Variants in SLC44A1 observed in about 807,000 individuals in gnomAD.
SLC44A1 encodes the protein solute carrier family 44 member 1.
Under a neutral mutation model 79.3 loss-of-function variants are expected in SLC44A1, and 26 were observed. That is an observed-to-expected ratio of 0.33 (90% CI 0.24 to 0.46). SLC44A1 has a LOEUF of 0.46. SLC44A1 is among the 20% of genes least tolerant of loss of function. The probability of loss-of-function intolerance (pLI) is 1.00; values close to 1 mark genes in which losing one functional copy is unlikely to be tolerated. For synonymous variants in SLC44A1, 263 were observed against 286.2 expected, an observed-to-expected ratio of 0.92 and a Z score of 0.82; for missense variants, 688 against 798.1, an observed-to-expected ratio of 0.86 and a Z score of 1.66.
chr9:105,258,439 A>G (rs73510234), intron 1 of SLC44A1, among the ~76,000 whole-genome samples: 29 of 152,342 alleles, frequency 1.9e-4, no homozygotes, highest in African/African-American at 6.5e-4. Flanking sequence ...TTATTCTCAT[A>G]ACTCTGAGGT....
intron 5 of SLC44A1, among the ~76,000 whole-genome samples, chr9:105,351,672 A>C: frequency 6.6e-6 from 1 of 151,402 alleles, no homozygotes; most frequent in Non-Finnish European, 1.5e-5. Flanking sequence ...GAAAGAAAGA[A>C]AGAACCAAGA....
chr9:105,321,700 G>A (rs1368285496), intron 3 of SLC44A1, among the ~76,000 whole-genome samples: 2 of 151,816 alleles, frequency 1.3e-5, no homozygotes, highest in East Asian at 1.9e-4. Context: ...AAAGTCAGTC[G>A]TTTGTCTTAT....
intron 15 of SLC44A1, among the ~76,000 whole-genome samples, chr9:105,436,724 C>T (rs540003434): frequency 3.2e-4 from 49 of 152,278 alleles, no homozygotes; most frequent in Non-Finnish European, 1.5e-4. Flanking sequence ...CTATCAGCAG[C>T]CTGCCAAATG....
At chr9:105,417,857 A>C (rs1564057535) in intron 15 of SLC44A1, among the ~76,000 whole-genome samples, 1 of 150,868 alleles carries the variant, frequency 6.6e-6, no homozygotes, top group Non-Finnish European at 1.5e-5. Context: ...AAAAAAAAAA[A>C]AACAATTTAA....
intron 11 of SLC44A1, 128 bp downstream of exon 11, chr9:105,365,767 C>T (rs7860321): frequency 0.039 from 36,078 of 936,538 alleles, 2,812 homozygotes; most frequent in African/African-American, 0.29. Context: ...AAGGCAAAAT[C>T]CAGCCCTTCT....
At chr9:105,384,809 G>A (rs1400065226) in intron 14 of SLC44A1, among the ~76,000 whole-genome samples, 1 of 152,150 alleles carries the variant, frequency 6.6e-6, no homozygotes, top group Non-Finnish European at 1.5e-5. Context: ...TGACAGAATA[G>A]AAATGTTCCC....
intron 8 of SLC44A1, among the ~76,000 whole-genome samples, chr9:105,362,053 CGTGTGTGTGCGCGCGCGCGCGT>C (rs1025675627): frequency 2.6e-5 from 4 of 151,116 alleles, no homozygotes; most frequent in African/African-American, 7.3e-5. Flanking sequence ...TTTGTGTGTG[CGTGTGTGTGCGCGCGCGCGCGT>C]GTGTGTGTGT....
intron 1 of SLC44A1, among the ~76,000 whole-genome samples, chr9:105,270,143 A>C (rs1286695528): frequency 6.6e-6 from 1 of 151,908 alleles, no homozygotes; most frequent in Middle Eastern, 3.2e-3. Flanking sequence ...ATCACAACAC[A>C]TGACAGCTCT....
At chr9:105,428,556 C>T (rs890444014) in intron 15 of SLC44A1, among the ~76,000 whole-genome samples, 3 of 152,234 alleles carry the variant, frequency 2.0e-5, no homozygotes, top group African/African-American at 7.2e-5. Context: ...TTCTCAGTTT[C>T]CCCATCTGTA....
At chr9:105,323,232 A>G (rs898343285) in intron 3 of SLC44A1, among the ~76,000 whole-genome samples, 61 of 148,662 alleles carry the variant, frequency 4.1e-4, no homozygotes, top group Admixed American at 1.1e-3. Context: ...AAAAAAAAAA[A>G]AAAGAAAGAA....
chr9:105,362,069 C>T (rs567488782), intron 8 of SLC44A1, among the ~76,000 whole-genome samples: 28 of 151,572 alleles, frequency 1.8e-4, no homozygotes, highest in African/African-American at 5.1e-4. Flanking sequence ...TGTGCGCGCG[C>T]GCGCGTGTGT....
At chr9:105,301,627 G>A (rs1214244118) in intron 2 of SLC44A1, among the ~76,000 whole-genome samples, 3 of 151,950 alleles carry the variant, frequency 2.0e-5, no homozygotes, top group South Asian at 4.2e-4. Context: ...CATTTGTTGG[G>A]CATTAATCTA....
intron 15 of SLC44A1, among the ~76,000 whole-genome samples, chr9:105,387,060 A>ATATATATATATATAT (rs761598964): frequency 1.3e-4 from 1 of 7,730 alleles, no homozygotes; most frequent in African/African-American, 4.1e-4. Context: ...AAAAAAAAAA[A>ATATATATATATATAT]ATATATATAT....
chr9:105,412,288 T>A (rs917738787), intron 15 of SLC44A1, among the ~76,000 whole-genome samples: 2 of 152,200 alleles, frequency 1.3e-5, no homozygotes, highest in Non-Finnish European at 2.9e-5. Context: ...TTTTCTGTTA[T>A]CCTCATTTAT....
rs550447749 is a variant in SLC44A1, at chr9:105,351,460, G to A, written c.500+3009G>A. ...GAGACATGAGAATCGCTTGAACCTGGGAGGTGGAATTGTAGTGAGCCAAGA... is the reference window on the plus strand; with the variant it reads ...GAGACATGAGAATCGCTTGAACCTGAGAGGTGGAATTGTAGTGAGCCAAGA... On this transcript the variant is annotated intron_variant, in intron 5 of 15. Coordinates refer to ENST00000374720, the MANE Select transcript of SLC44A1 (RefSeq NM_080546.5). Among the ~76,000 whole-genome samples, 11 of 151,860 alleles carry A rather than the reference G, an allele frequency of 7.2e-5. No individual in the cohort carries two copies. The East Asian group carries it at 1.9e-3, about 27-fold the overall frequency.
chr9:105,420,287 G>A (rs532817141), intron 15 of SLC44A1, among the ~76,000 whole-genome samples: 19 of 152,248 alleles, frequency 1.2e-4, no homozygotes, highest in Admixed American at 1.1e-3. Context: ...GAAAGACCAA[G>A]GCAGTGAAAA....
chr9:105,336,250 G>A (rs745862024), intron 4 of SLC44A1, among the ~76,000 whole-genome samples: 20 of 151,768 alleles, frequency 1.3e-4, no homozygotes, highest in Non-Finnish European at 2.5e-4. Context: ...TTAAATTCTA[G>A]CATCAGTACT....
At chr9:105,377,899 G>A (rs1828342530) in intron 13 of SLC44A1, among the ~76,000 whole-genome samples, 1 of 152,022 alleles carries the variant, frequency 6.6e-6, no homozygotes, top group African/African-American at 2.4e-5. Flanking sequence ...TACTAGTAAT[G>A]TGGTAAGGAC....
chr9:105,288,240 A>G (rs1297744289), intron 1 of SLC44A1, among the ~76,000 whole-genome samples: 2 of 152,120 alleles, frequency 1.3e-5, no homozygotes, highest in Admixed American at 1.3e-4. Flanking sequence ...TATGACTTTA[A>G]TATCCCAGTT....
Sources: allele counts gnomAD v4.1 joint callset (sites outside exome capture counted in the v4.1 genomes callset), GRCh38; gene constraint gnomAD v4.1.1; transcripts MANE v1.5; gene names NCBI Gene and HGNC (gene_info 2026-07-23, HGNC 2026-07-21).